Variants in USP14 observed in about 807,000 individuals in gnomAD.
The protein encoded by USP14 is ubiquitin specific peptidase 14.
A neutral mutation model predicts 76.5 loss-of-function variants in USP14; 38 were observed. The observed-to-expected ratio is 0.50, with a 90% CI of 0.38 to 0.65. The LOEUF (loss-of-function observed/expected upper bound fraction) is 0.65. Among genes scored for constraint, USP14 ranks in the 30% least tolerant of loss-of-function variants. The probability of loss-of-function intolerance (pLI) is 0.00; values close to 1 mark genes in which losing one functional copy is unlikely to be tolerated. For missense variants in USP14, 467 were observed against 586.5 expected, an observed-to-expected ratio of 0.80 and a Z score of 2.10; for synonymous variants, 192 against 191.7, an observed-to-expected ratio of 1.00 and a Z score of -0.01.
chr18:171,095 A>G lies in USP14; in HGVS notation c.195+4276A>G, dbSNP rs536706719. Among the ~76,000 whole-genome samples the G allele has an allele frequency of 2.0e-5, 3 of 147,576 alleles. No individual in the cohort carries two copies. In the South Asian group the frequency reaches 6.5e-4, roughly 32 times the overall value. On this transcript the variant is annotated intron_variant, in intron 3 of 15. Transcript: ENST00000261601. ...AGAAGTTGGTTCACGAGGTTTAAAG[A>G]AAGAAGCAATCTCTGTAACATAAAA... is the stretch of plus-strand genomic sequence containing the variant.
intron 3 of USP14, among the ~76,000 whole-genome samples, chr18:172,706 T>TA (rs1478294605): frequency 6.8e-6 from 1 of 147,992 alleles, no homozygotes; most frequent in Non-Finnish European, 1.5e-5. Context: ...GCTTAGATGA[T>TA]TGTCAGCTTT....
intron 13 of USP14, among the ~76,000 whole-genome samples, chr18:206,459 G>T (rs1277228296): frequency 6.6e-6 from 1 of 152,090 alleles, no homozygotes; most frequent in Non-Finnish European, 1.5e-5. Context: ...TTGGATATGT[G>T]GTTTGTGAAT....
chr18:199,187 T>C lies in USP14; in HGVS notation c.762-15T>C. On this transcript the variant is annotated splice_polypyrimidine_tract_variant and intron_variant, in intron 9 of 15. Transcript: ENST00000261601. The stretch of plus-strand genomic sequence containing the variant: ...TGAATACCCGTTGGCATATTCCTTA[T>C]CTTAGTTTACAAAGCATGAAATGTA... The C allele has an allele frequency of 1.3e-6, 2 of 1,560,742 alleles. No individual in the cohort carries two copies. The highest frequency in any genetic ancestry group is 1.8e-6 in the Non-Finnish European group (2 of 1,132,074).
At chr18:170,554 C>T (rs1909414193) in intron 3 of USP14, among the ~76,000 whole-genome samples, 1 of 152,198 alleles carries the variant, frequency 6.6e-6, no homozygotes, top group Non-Finnish European at 1.5e-5. Context: ...TGAAGTGTTA[C>T]TGCAATGAAC....
intron 5 of USP14, among the ~76,000 whole-genome samples, chr18:182,548 G>C (rs1440263505): frequency 6.6e-6 from 1 of 152,202 alleles, no homozygotes; most frequent in East Asian, 1.9e-4. Context: ...TATATTATCA[G>C]TGAACAAGAC....
rs780673780 is a variant in USP14, at chr18:204,523, A to G, written c.1036-41A>G. On this transcript the variant is annotated intron_variant, in intron 12 of 15. Coordinates refer to ENST00000261601, the MANE Select transcript of USP14 (RefSeq NM_005151.4). ...TGTGATACTTTAAATAAATATCTTT[A>G]TAAATGTGTTTACACATGTTTTTTG... The G allele has an allele frequency of 4.8e-6, 7 of 1,443,920 alleles. No homozygotes were observed. In the South Asian group the frequency reaches 6.7e-5, roughly 14 times the overall value. 89.4% of individuals were successfully genotyped at this position (1,443,920 alleles called of 1,614,324 possible). A position where few individuals can be genotyped will look rare whatever the true frequency, so the allele number is the denominator to read the frequency against.
intron 2 of USP14, among the ~76,000 whole-genome samples, chr18:163,817 GTT>G (rs68144137): frequency 9.0e-5 from 13 of 144,144 alleles, no homozygotes; most frequent in South Asian, 2.2e-4. Flanking sequence ...CCGATAGGTA[GTT>G]TTTTTTTTTT....
intron 5 of USP14, among the ~76,000 whole-genome samples, chr18:183,432 C>G (rs1909839693): frequency 6.6e-6 from 1 of 151,838 alleles, no homozygotes; most frequent in African/African-American, 2.4e-5. Context: ...GTCGCAAACT[C>G]TAGGACATTT....
Position 211,337 on chromosome 18 carries a change from C to G in USP14, c.*53C>G. ...GTGAAAATAAATGTTATTTGTTGAT[C>G]ATTTCTATAATCCAGAGCTTTAGAG... is the stretch of plus-strand genomic sequence containing the variant. On this transcript the variant is annotated 3_prime_UTR_variant, in exon 16 of 16. Transcript: ENST00000261601. 6.5e-6 allele frequency: 10 copies of G among 1,549,770 alleles called. No individual in the cohort carries two copies. The South Asian group carries it at 8.5e-5, about 13-fold the overall frequency.
intron 6 of USP14, among the ~76,000 whole-genome samples, chr18:194,524 A>G (rs1910178400): frequency 6.6e-6 from 1 of 152,130 alleles, no homozygotes; most frequent in African/African-American, 2.4e-5. Context: ...TTTTTCCGTT[A>G]TGCATGTAAT....
chr18:160,958 G>A (rs1909102397), intron 1 of USP14, among the ~76,000 whole-genome samples: 1 of 151,706 alleles, frequency 6.6e-6, no homozygotes, highest in African/African-American at 2.4e-5. Context: ...ACCAAGTTTT[G>A]CTCTTGTTGC....
intron 3 of USP14, 44 bp downstream of exon 3, chr18:166,863 A>T: frequency 6.4e-7 from 1 of 1,556,990 alleles, no homozygotes; most frequent in Non-Finnish European, 8.8e-7. Context: ...CAGTAACCTC[A>T]TTATGATACC....
intron 13 of USP14, 109 bp from the exon 14 acceptor site, chr18:209,862 G>A: frequency 2.7e-6 from 2 of 750,074 alleles, no homozygotes; most frequent in Non-Finnish European, 4.2e-6. Flanking sequence ...ACTGTATTTT[G>A]TCTCTGTGCA....
In USP14 at chr18:196,676, C is replaced by G; in HGVS notation, c.503C>G (p.Ser168Cys). The G allele has an allele frequency of 6.2e-7, 1 of 1,613,770 alleles. No homozygotes were observed. The highest frequency in any genetic ancestry group is 8.5e-7 in the Non-Finnish European group (1 of 1,179,826). Residue 168 changes from serine (S) to cysteine (C), a missense_variant, in exon 7 of 16, where the codon TCC becomes TGC. Physicochemically the swap from Ser to Cys is moderately radical, Grantham distance 112. Coordinates refer to ENST00000261601, the MANE Select transcript of USP14 (RefSeq NM_005151.4). ...TTTGATTCCATGGATAAAACTTCTT[C>G]CAGTATTCCACCTATTATTCTACTG... Reference protein sequence around the residue: ...DLFDSMDKTSSSIPPIILLQF... With the variant: ...DLFDSMDKTSCSIPPIILLQF...
At chr18:165,420 C>A (rs1310240137) in intron 2 of USP14, among the ~76,000 whole-genome samples, 1 of 152,150 alleles carries the variant, frequency 6.6e-6, no homozygotes, top group African/African-American at 2.4e-5. Flanking sequence ...CAGTATGAAC[C>A]TTTGGCCTTT....
chr18:190,463 C>T (rs550910174), intron 5 of USP14, among the ~76,000 whole-genome samples: 25 of 152,244 alleles, frequency 1.6e-4, no homozygotes, highest in African/African-American at 5.5e-4. Flanking sequence ...TCCACATCCA[C>T]CCCCAAGAGT....
chr18:191,104 G>A (rs1910072682), intron 5 of USP14, among the ~76,000 whole-genome samples: 1 of 152,080 alleles, frequency 6.6e-6, no homozygotes, highest in South Asian at 2.1e-4. Flanking sequence ...CCCAAGTGAT[G>A]TTCAGGGTAT....
chr18:214,532 T>C lies in USP14; in HGVS notation c.*3248T>C, dbSNP rs1048741572. 28 of 981,894 alleles carry C rather than the reference T, an allele frequency of 2.9e-5. No homozygotes were observed. The highest frequency in any genetic ancestry group is 4.2e-5 in the Non-Finnish European group (28 of 667,264). 60.8% of individuals were successfully genotyped at this position (981,894 alleles called of 1,614,324 possible). ...GACTGTACAACAATTGTTATAAAAA[T>C]GTTTATTGTTTACCAAAACCAGTGG... On this transcript the variant is annotated 3_prime_UTR_variant, in exon 16 of 16. Coordinates refer to ENST00000261601, the MANE Select transcript of USP14 (RefSeq NM_005151.4).
intron 10 of USP14, among the ~76,000 whole-genome samples, chr18:202,601 A>G (rs1415701364): frequency 6.6e-6 from 1 of 152,208 alleles, no homozygotes; most frequent in East Asian, 1.9e-4. Context: ...TCTGAATCTA[A>G]GCATCATTTG....
Sources: allele counts gnomAD v4.1 joint callset (sites outside exome capture counted in the v4.1 genomes callset), GRCh38; gene constraint gnomAD v4.1.1; transcripts MANE v1.5; gene names NCBI Gene and HGNC (gene_info 2026-07-23, HGNC 2026-07-21).